PTPRT: variants seen among roughly 807,000 people sequenced by gnomAD.
The protein encoded by PTPRT is protein tyrosine phosphatase receptor type T.
PTPRT carries 56 observed loss-of-function variants against 176.8 expected under a neutral mutation model. That is an observed-to-expected ratio of 0.32 (90% CI 0.26 to 0.40). The LOEUF (loss-of-function observed/expected upper bound fraction) is 0.40, where lower values mean the gene tolerates loss of function less well. Ranked by LOEUF, PTPRT falls within the 10% of genes least tolerant of loss-of-function variation. The probability of loss-of-function intolerance (pLI) is 1.00; values close to 1 mark genes in which losing one functional copy is unlikely to be tolerated. For synonymous variants in PTPRT, 783 were observed against 739.0 expected, an observed-to-expected ratio of 1.06 and a Z score of -0.96; for missense variants, 1,540 against 1,908.2, an observed-to-expected ratio of 0.81 and a Z score of 3.60.
chr20:43,006,624 A>C (rs1568729898), intron 1 of PTPRT, among the ~76,000 whole-genome samples: 1 of 152,204 alleles, frequency 6.6e-6, no homozygotes, highest in Non-Finnish European at 1.5e-5. Context: ...ATGAAAATAG[A>C]TGAGAAGCAT....
intron 6 of PTPRT, among the ~76,000 whole-genome samples, chr20:42,731,596 T>C (rs193072122): frequency 5.4e-4 from 82 of 152,318 alleles, no homozygotes; most frequent in Admixed American, 3.7e-3. Flanking sequence ...TGCGTCCACA[T>C]TGCTTGGGCA....
chr20:42,156,254 A>G (rs755157854), intron 17 of PTPRT, among the ~76,000 whole-genome samples: 146 of 152,274 alleles, frequency 9.6e-4, no homozygotes, highest in Non-Finnish European at 1.4e-3. Flanking sequence ...ATATACCTCT[A>G]TGGTGGCATT....
rs1982485505 is a variant in PTPRT, at chr20:42,073,490, G to A, written c.*7389C>T. 4.8e-6 allele frequency: 1 copy of A among 206,234 alleles called. No homozygotes were observed. The highest frequency in any genetic ancestry group is 9.9e-6 in the Non-Finnish European group (1 of 100,556). 12.8% of individuals were successfully genotyped at this position (206,234 alleles called of 1,614,324 possible). ...TAGAAATAACCTCTGGAGATAATGT[G>A]TATGGTAAGAAAAGCCCTGCTCTGT... On this transcript the variant is annotated 3_prime_UTR_variant, in exon 31 of 31. Coordinates refer to ENST00000373187, the MANE Select transcript of PTPRT (RefSeq NM_007050.6).
chr20:42,248,858 G>A (rs1321110258), intron 13 of PTPRT, 36 bp from the exon 14 acceptor site: 3 of 1,607,912 alleles, frequency 1.9e-6, no homozygotes, highest in Non-Finnish European at 2.6e-6. Flanking sequence ...AATGTTGAAA[G>A]CACCCAAACA....
chr20:42,104,167 T>G (rs2076246), intron 25 of PTPRT, among the ~76,000 whole-genome samples: 53,397 of 152,048 alleles, frequency 0.35, 9,843 homozygotes, highest in Middle Eastern at 0.51. Context: ...ATTAGTGCTC[T>G]TATAAGAAGA....
chr20:42,250,709 T>A (rs895775985), intron 13 of PTPRT, among the ~76,000 whole-genome samples: 3 of 152,194 alleles, frequency 2.0e-5, no homozygotes, highest in Non-Finnish European at 2.9e-5. Flanking sequence ...TGAGGGTGAG[T>A]GAACCACAGT....
intron 9 of PTPRT, among the ~76,000 whole-genome samples, chr20:42,419,670 C>T (rs1049832831): frequency 1.3e-5 from 2 of 152,142 alleles, no homozygotes; most frequent in Non-Finnish European, 2.9e-5. Context: ...CAGCCCCTTC[C>T]CTACCTCCCT....
chr20:42,112,543 G>T (rs1047550969), intron 22 of PTPRT, among the ~76,000 whole-genome samples: 1 of 143,818 alleles, frequency 7.0e-6, no homozygotes, highest in Non-Finnish European at 1.5e-5. Context: ...TTACCCTTAT[G>T]GGGGGCACCT....
chr20:42,646,639 G>A lies in PTPRT; in HGVS notation c.1153+31227C>T, dbSNP rs576196109. Among the ~76,000 whole-genome samples, 136 of 152,076 alleles carry A rather than the reference G, an allele frequency of 8.9e-4. 1 individual carries two copies. The highest frequency in any genetic ancestry group is 8.7e-4 in the Non-Finnish European group (59 of 68,004). The stretch of plus-strand genomic sequence containing the variant: ...TTTGAGTACTCAGTAGCCATGAGTC[G>A]CTGGTGACTCTCCTATCAGCCCAGA... On this transcript the variant is annotated intron_variant, in intron 7 of 30. Coordinates refer to ENST00000373187, the MANE Select transcript of PTPRT (RefSeq NM_007050.6).
intron 1 of PTPRT, among the ~76,000 whole-genome samples, chr20:43,038,556 AAG>A (rs1318121552): frequency 1.3e-5 from 2 of 152,214 alleles, no homozygotes; most frequent in Non-Finnish European, 2.9e-5. Flanking sequence ...AATCAGAAAA[AAG>A]GATATCTGCT....
At chr20:42,663,833 T>G (rs1204003760) in intron 7 of PTPRT, among the ~76,000 whole-genome samples, 1 of 152,176 alleles carries the variant, frequency 6.6e-6, no homozygotes, top group Admixed American at 6.5e-5. Context: ...AGAATTCCAC[T>G]GTGTGTGTGC....
chr20:42,763,002 G>A (rs908906328), intron 5 of PTPRT, among the ~76,000 whole-genome samples: 1 of 152,188 alleles, frequency 6.6e-6, no homozygotes, highest in African/African-American at 2.4e-5. Flanking sequence ...AACAGGAGCT[G>A]TAATAGCTAC....
At chr20:42,346,983 A>G (rs914512314) in intron 11 of PTPRT, among the ~76,000 whole-genome samples, 2 of 152,084 alleles carry the variant, frequency 1.3e-5, no homozygotes, top group African/African-American at 4.8e-5. Flanking sequence ...CAAAAGGGCC[A>G]CCCGGTCATC....
intron 7 of PTPRT, among the ~76,000 whole-genome samples, chr20:42,509,727 C>T (rs933582047): frequency 6.6e-6 from 1 of 151,842 alleles, no homozygotes; most frequent in African/African-American, 2.4e-5. Flanking sequence ...TCACTCTGAA[C>T]CTTAGTTCAT....
chr20:42,493,139 G>A (rs1168809147), intron 7 of PTPRT, among the ~76,000 whole-genome samples: 1 of 152,158 alleles, frequency 6.6e-6, no homozygotes, highest in African/African-American at 2.4e-5. Context: ...TAAGCATTTT[G>A]CTGGTGTCAC....
At chr20:42,462,930 G>C (rs2071044728) in intron 8 of PTPRT, among the ~76,000 whole-genome samples, 1 of 152,188 alleles carries the variant, frequency 6.6e-6, no homozygotes, top group Non-Finnish European at 1.5e-5. Context: ...GCATAGTGAA[G>C]TAGTGGATGA....
At chr20:42,049,364 G>T in the PTPRT span, among the ~76,000 whole-genome samples, 1 of 152,208 alleles carries the variant, frequency 6.6e-6, no homozygotes, top group African/African-American at 2.4e-5. Context: ...TATTGGTCTG[G>T]ACTGCCAAGT....
intron 1 of PTPRT, among the ~76,000 whole-genome samples, chr20:42,962,704 G>T (rs1982060156): frequency 6.6e-6 from 1 of 152,280 alleles, no homozygotes; most frequent in East Asian, 1.9e-4. Context: ...AAATGTAAAA[G>T]GACTCAGAAA....
At chr20:43,068,616 T>C (rs752572355) in intron 1 of PTPRT, among the ~76,000 whole-genome samples, 2 of 151,392 alleles carry the variant, frequency 1.3e-5, no homozygotes, top group African/African-American at 2.4e-5. Flanking sequence ...GTTATCAGTG[T>C]GGGACTGAGA....
Sources: allele counts gnomAD v4.1 joint callset (sites outside exome capture counted in the v4.1 genomes callset), GRCh38; gene constraint gnomAD v4.1.1; transcripts MANE v1.5; gene names NCBI Gene and HGNC (gene_info 2026-07-23, HGNC 2026-07-21).